The following ZCWPW2 variants were observed in gnomAD, a reference collection of about 807,000 sequenced individuals.
ZCWPW2 encodes the protein zinc finger CW-type and PWWP domain containing 2.
A neutral mutation model predicts 46.6 loss-of-function variants in ZCWPW2; 45 were observed. The observed-to-expected ratio is 0.96, with a 90% CI of 0.76 to 1.24. The LOEUF is 1.24. Ranked by LOEUF, ZCWPW2 falls within the 50% of genes most tolerant of loss-of-function variation. ZCWPW2 has a pLI of 0.00. For synonymous variants in ZCWPW2, 152 were observed against 137.1 expected (o/e 1.11, Z -0.76); for missense variants, 429 against 403.9 (o/e 1.06, Z -0.53).
chr3:28,396,164 G>A (rs1295637094), intron 2 of ZCWPW2, among the ~76,000 whole-genome samples: 4 of 152,054 alleles, frequency 2.6e-5, no homozygotes, highest in Non-Finnish European at 4.4e-5. Context: ...AGATCATCTA[G>A]CCCTATTCTC....
intron 8 of ZCWPW2, among the ~76,000 whole-genome samples, chr3:28,518,705 TAA>T (rs1700644680): frequency 6.6e-6 from 1 of 152,232 alleles, no homozygotes; most frequent in African/African-American, 2.4e-5. Flanking sequence ...ATTAGAAATA[TAA>T]AGATGTTTGT....
chr3:28,491,355 A>T (rs1322997781), intron 5 of ZCWPW2, among the ~76,000 whole-genome samples: 1 of 152,162 alleles, frequency 6.6e-6, no homozygotes, highest in Non-Finnish European at 1.5e-5. Context: ...ATAGATACAT[A>T]TACACACATA....
intron 8 of ZCWPW2, among the ~76,000 whole-genome samples, chr3:28,518,634 G>T (rs980137816): frequency 6.6e-6 from 1 of 152,086 alleles, no homozygotes; most frequent in African/African-American, 2.4e-5. Context: ...AAAACAGAGA[G>T]CCTACAATGC....
At chr3:28,364,410 G>T (rs1705049889) in intron 1 of ZCWPW2, among the ~76,000 whole-genome samples, 1 of 151,844 alleles carries the variant, frequency 6.6e-6, no homozygotes, top group African/African-American at 2.4e-5. Flanking sequence ...AAATTGTGCT[G>T]CTATAAACAT....
chr3:28,362,953 C>T (rs1704997420), intron 1 of ZCWPW2, among the ~76,000 whole-genome samples: 1 of 151,278 alleles, frequency 6.6e-6, no homozygotes, highest in Non-Finnish European at 1.5e-5. Flanking sequence ...TAGCAACTAA[C>T]ACAGGAACAG....
intron 2 of ZCWPW2, among the ~76,000 whole-genome samples, chr3:28,401,853 AT>A (rs1164082693): frequency 2.0e-5 from 3 of 152,046 alleles, no homozygotes; most frequent in Non-Finnish European, 4.4e-5. Context: ...CAAGATGGAA[AT>A]TTAAAAATTC....
At chr3:28,508,071 G>A (rs141899930) in intron 6 of ZCWPW2, among the ~76,000 whole-genome samples, 1 of 152,146 alleles carries the variant, frequency 6.6e-6, no homozygotes, top group African/African-American at 2.4e-5. Flanking sequence ...TCTGGTGAGG[G>A]GCCCAGGATG....
chr3:28,413,082 A>G lies in ZCWPW2; in HGVS notation c.14A>G (p.Lys5Arg), dbSNP rs745309230. The change falls in exon 3 of 10, where the codon AAA becomes AGA. Residue 5 changes from lysine to arginine, a missense_variant. Lys to Arg is a conservative substitution (Grantham distance 26). Coordinates refer to ENST00000383768, the MANE Select transcript of ZCWPW2 (RefSeq NM_001040432.4). MDKE[K>R]LDVKIEYCNY... Reference sequence around the variant, plus strand: ...TTAAATGCCTTAATGGATAAAGAAAAATTGGATGTTAAGATTGAATATTGT... The same window carrying G: ...TTAAATGCCTTAATGGATAAAGAAAGATTGGATGTTAAGATTGAATATTGT... The G allele has an allele frequency of 6.2e-7, 1 of 1,608,450 alleles. No homozygotes were observed. The highest frequency in any genetic ancestry group is 1.7e-4 in the Middle Eastern group (1 of 5,990).
chr3:28,428,032 C>T (rs1308705843), intron 3 of ZCWPW2: 2 of 152,128 alleles, frequency 1.3e-5, no homozygotes, highest in Admixed American at 1.3e-4. Context: ...GCCATGGAGT[C>T]TCCATTTCTG....
chr3:28,498,265 G>C (rs963775264), intron 6 of ZCWPW2, among the ~76,000 whole-genome samples: 14 of 151,510 alleles, frequency 9.2e-5, no homozygotes, highest in Non-Finnish European at 1.9e-4. Context: ...GTGTGTGTGT[G>C]TGTGTGTATT....
chr3:28,396,021 A>C (rs991266200), intron 2 of ZCWPW2, among the ~76,000 whole-genome samples: 1 of 152,152 alleles, frequency 6.6e-6, no homozygotes, highest in Non-Finnish European at 1.5e-5. Context: ...GTTTTTGTCA[A>C]TTATACATCA....
intron 3 of ZCWPW2, among the ~76,000 whole-genome samples, chr3:28,421,555 T>G (rs1696790336): frequency 6.6e-6 from 1 of 152,092 alleles, no homozygotes; most frequent in Non-Finnish European, 1.5e-5. Flanking sequence ...AGAGCAGGCT[T>G]CATTGGAGCT....
At chr3:28,401,362 G>T (rs1037650944) in intron 2 of ZCWPW2, among the ~76,000 whole-genome samples, 1 of 152,144 alleles carries the variant, frequency 6.6e-6, no homozygotes, top group African/African-American at 2.4e-5. Context: ...CCAACTATCT[G>T]CTGACTTCAA....
rs369567370 is a variant in ZCWPW2 at position 28,524,579 on chromosome 3, A to G, written c.962A>G (p.Tyr321Cys). 10 of 1,609,586 alleles carry G rather than the reference A, an allele frequency of 6.2e-6. No homozygotes were observed. Among genetic ancestry groups the G allele is most frequent in the South Asian group, 1.1e-5 (1 of 90,086 alleles). Reference protein sequence around the residue: ...APAGSLFENHYEEDYLVIDGI... With the variant: ...APAGSLFENHCEEDYLVIDGI... ...GCAGGCAGTCTGTTTGAAAACCACT[A>G]TGAAGAGGACTATCTTGTAATTGAT... is the stretch of plus-strand genomic sequence containing the variant. Residue 321 changes from tyrosine to cysteine, a missense_variant, in exon 10 of 10, where the codon TAT becomes TGT. Tyr to Cys is a radical substitution (Grantham distance 194). Transcript: ENST00000383768.
intron 2 of ZCWPW2, among the ~76,000 whole-genome samples, chr3:28,412,117 A>T (rs575410839): frequency 6.6e-6 from 1 of 152,118 alleles, no homozygotes; most frequent in Non-Finnish European, 1.5e-5. Flanking sequence ...AATGGTGCTT[A>T]TACTTGGATA....
intron 2 of ZCWPW2, among the ~76,000 whole-genome samples, chr3:28,402,645 A>G (rs1695994114): frequency 6.6e-6 from 1 of 152,232 alleles, no homozygotes; most frequent in African/African-American, 2.4e-5. Flanking sequence ...ATAGTTGCTG[A>G]AATCTTTAAC....
At chr3:28,411,882 C>T (rs1485880251) in intron 2 of ZCWPW2, among the ~76,000 whole-genome samples, 2 of 152,092 alleles carry the variant, frequency 1.3e-5, no homozygotes, top group Non-Finnish European at 2.9e-5. Context: ...AACAGTGTTA[C>T]ACTGAATGTT....
intron 3 of ZCWPW2, among the ~76,000 whole-genome samples, chr3:28,433,092 T>TAC (rs71626517): frequency 0.34 from 50,325 of 148,778 alleles, 9,406 homozygotes; most frequent in East Asian, 0.64. Context: ...AGCATATTCT[T>TAC]ACACACACAC....
At chr3:28,352,344 G>A (rs1003499047) in intron 1 of ZCWPW2, among the ~76,000 whole-genome samples, 3 of 152,270 alleles carry the variant, frequency 2.0e-5, no homozygotes, top group African/African-American at 7.2e-5. Context: ...GATAGTTTAA[G>A]AGTATTAATT....
Sources: gnomAD v4.1 joint callset for allele counts (sites outside exome capture counted in the v4.1 genomes callset) on GRCh38, gnomAD v4.1.1 for gene constraint, MANE v1.5 for transcripts, NCBI Gene and HGNC (gene_info 2026-07-23, HGNC 2026-07-21) for gene names.